AGBL4: variants seen among roughly 807,000 people sequenced by gnomAD.
AGBL4 encodes cytosolic carboxypeptidase 6.
AGBL4 carries 58 observed loss-of-function variants against 66.4 expected under a neutral mutation model. The ratio of observed to expected loss-of-function variants is 0.87; its 90% CI spans 0.71 to 1.09. The LOEUF (loss-of-function observed/expected upper bound fraction) is 1.09, where lower values mean the gene tolerates loss of function less well. Ranked by LOEUF, AGBL4 falls within the 50% of genes least tolerant of loss-of-function variation. The pLI, the probability that AGBL4 is intolerant of heterozygous loss-of-function variation, is 0.00. For synonymous variants in AGBL4, 234 were observed against 222.9 expected, an observed-to-expected ratio of 1.05 and a Z score of -0.44; for missense variants, 579 against 631.0, an observed-to-expected ratio of 0.92 and a Z score of 0.88.
At chr1:48,746,422 C>T (rs11205536) in intron 6 of AGBL4, among the ~76,000 whole-genome samples, 97,311 of 151,788 alleles carry the variant, frequency 0.64, 32,865 homozygotes, top group Non-Finnish European at 0.77. Flanking sequence ...ACCCACTCTC[C>T]TCAAGGTTCA....
At chr1:48,820,971 A>G (rs771639339) in intron 6 of AGBL4, among the ~76,000 whole-genome samples, 1 of 152,226 alleles carries the variant, frequency 6.6e-6, no homozygotes, top group African/African-American at 2.4e-5. Context: ...TCAAAAGAAG[A>G]CATACAAGTG....
At chr1:48,763,232 A>G (rs1644366097) in intron 6 of AGBL4, among the ~76,000 whole-genome samples, 1 of 152,164 alleles carries the variant, frequency 6.6e-6, no homozygotes, top group Admixed American at 6.5e-5. Flanking sequence ...GGCCTTTCCC[A>G]CTGAGTGGAG....
Position 48,591,514 on chromosome 1 carries a change from G to A in AGBL4, c.952-529C>T, listed in dbSNP as rs114683981. Among the ~76,000 whole-genome samples, 866 of 152,210 alleles carry A rather than the reference G, an allele frequency of 5.7e-3. 7 individuals are homozygous for A. Among genetic ancestry groups the A allele is most frequent in the Middle Eastern group, 0.02 (6 of 294 alleles). On this transcript the variant is annotated intron_variant, in intron 9 of 13. Transcript: ENST00000371839. ...GCCTCAGCTTTCTTATCTGAAAAAC[G>A]AGTATTTTAATTCAAACCTCAGAGC...
At chr1:49,377,968 C>A (rs1644506376) in intron 3 of AGBL4, among the ~76,000 whole-genome samples, 1 of 151,752 alleles carries the variant, frequency 6.6e-6, no homozygotes, top group Non-Finnish European at 1.5e-5. Flanking sequence ...ATCTTACATG[C>A]CTTGTCTCCC....
At chr1:49,471,372 T>C (rs975496118) in intron 3 of AGBL4, among the ~76,000 whole-genome samples, 1 of 152,044 alleles carries the variant, frequency 6.6e-6, no homozygotes, top group Non-Finnish European at 1.5e-5. Context: ...GTTTTTGTTT[T>C]CAGTCTTAAC....
rs184839480 is a variant in AGBL4, at chr1:49,191,584, T to C, written c.377+54186A>G. ...CCCATGTCATGAGCATAGTACCCAA[T>C]AGGTAGTTTTTCAACTCTTGCCTCC... On this transcript the variant is annotated intron_variant, in intron 4 of 13. Coordinates refer to ENST00000371839, the MANE Select transcript of AGBL4 (RefSeq NM_032785.4). Among the ~76,000 whole-genome samples, 86 of 152,284 alleles carry C rather than the reference T, an allele frequency of 5.6e-4. 1 individual carries two copies. The East Asian group carries it at 0.013, about 23-fold the overall frequency.
chr1:49,823,320 G>A (rs1006899436), intron 2 of AGBL4, among the ~76,000 whole-genome samples: 1 of 152,082 alleles, frequency 6.6e-6, no homozygotes, highest in African/African-American at 2.4e-5. Flanking sequence ...CTAGTGGGCT[G>A]GAAAAATTAT....
chr1:48,662,324 T>A (rs1247729558), intron 7 of AGBL4, among the ~76,000 whole-genome samples: 2 of 152,180 alleles, frequency 1.3e-5, no homozygotes, highest in African/African-American at 4.8e-5. Flanking sequence ...TTGAGGCAAC[T>A]GAAGTCACAC....
intron 3 of AGBL4, among the ~76,000 whole-genome samples, chr1:49,313,857 A>G (rs1012207910): frequency 2.0e-5 from 3 of 152,166 alleles, no homozygotes; most frequent in African/African-American, 7.2e-5. Context: ...GCTGGGCAGA[A>G]GCTCTTTAGT....
chr1:49,108,739 T>A (rs1043773546), intron 4 of AGBL4, among the ~76,000 whole-genome samples: 1 of 152,172 alleles, frequency 6.6e-6, no homozygotes, highest in African/African-American at 2.4e-5. Context: ...ATGAATTTTT[T>A]AAAACCCCAT....
chr1:49,219,684 T>C (rs1038757028), intron 4 of AGBL4, among the ~76,000 whole-genome samples: 1 of 152,188 alleles, frequency 6.6e-6, no homozygotes, highest in Non-Finnish European at 1.5e-5. Context: ...CTTATAGATG[T>C]GACCATATTG....
At position 48,665,877 on chromosome 1, in the gene AGBL4, G is replaced by C. The variant is rs182672559; in HGVS notation, c.635-2636C>G. On this transcript the variant is annotated intron_variant, in intron 6 of 13. Transcript: ENST00000371839. ...GGCACTAAGGAGGCCCTTGGTGAAG[G>C]CTAACTTTATGGATGTCTCCCCTGA... Among the ~76,000 whole-genome samples, 56 of 152,278 alleles carry C rather than the reference G, an allele frequency of 3.7e-4. 1 individual carries two copies. The East Asian group carries it at 0.01, about 27-fold the overall frequency.
chr1:49,380,892 C>G (rs1395449529), intron 3 of AGBL4, among the ~76,000 whole-genome samples: 1 of 152,108 alleles, frequency 6.6e-6, no homozygotes, highest in Non-Finnish European at 1.5e-5. Context: ...CATAAAAACC[C>G]AAGAAGAAAA....
At chr1:48,789,292 A>T (rs116548422) in intron 6 of AGBL4, among the ~76,000 whole-genome samples, 10,025 of 110,406 alleles carry the variant, frequency 0.091, 419 homozygotes, top group Admixed American at 0.16. Flanking sequence ...ATATATATAT[A>T]TATTTTTTTT....
intron 11 of AGBL4, among the ~76,000 whole-genome samples, chr1:48,541,087 T>A (rs1220337720): frequency 6.6e-6 from 1 of 152,194 alleles, no homozygotes; most frequent in African/African-American, 2.4e-5. Flanking sequence ...CCCTTGCCCT[T>A]CACATTCCAG....
intron 6 of AGBL4, among the ~76,000 whole-genome samples, chr1:48,704,743 C>T (rs886209614): frequency 6.6e-6 from 1 of 152,108 alleles, no homozygotes; most frequent in Non-Finnish European, 1.5e-5. Flanking sequence ...GATAACAATG[C>T]CTTCTGGAAT....
At chr1:49,303,188 T>C (rs1225274293) in intron 3 of AGBL4, among the ~76,000 whole-genome samples, 1 of 152,142 alleles carries the variant, frequency 6.6e-6, no homozygotes, top group African/African-American at 2.4e-5. Flanking sequence ...TAATGAGATT[T>C]CTGGGTCAAA....
chr1:48,700,972 T>C (rs553743355), intron 6 of AGBL4, among the ~76,000 whole-genome samples: 1 of 152,272 alleles, frequency 6.6e-6, no homozygotes, highest in African/African-American at 2.4e-5. Context: ...AAAGGGCTTG[T>C]AGCATCAGAG....
At chr1:49,902,780 C>A (rs1284228957) in intron 1 of AGBL4, among the ~76,000 whole-genome samples, 2 of 151,926 alleles carry the variant, frequency 1.3e-5, no homozygotes, top group African/African-American at 4.8e-5. Flanking sequence ...CAGAGAAATG[C>A]AAATCAAAAA....
Sources: allele counts gnomAD v4.1 joint callset (sites outside exome capture counted in the v4.1 genomes callset), GRCh38; gene constraint gnomAD v4.1.1; transcripts MANE v1.5; gene names NCBI Gene and HGNC (gene_info 2026-07-23, HGNC 2026-07-21).